The following LYST variants were observed in gnomAD, a reference collection of about 807,000 sequenced individuals.
The protein encoded by LYST is lysosomal-trafficking regulator.
In LYST, 192 loss-of-function variants were observed where a neutral mutation model predicts 413.6. The observed-to-expected ratio is 0.46, with a 90% CI of 0.41 to 0.52. LYST has a LOEUF of 0.52. LYST is among the 20% of genes least tolerant of loss of function. The pLI is 0.00. For missense variants in LYST, 3,815 were observed against 4,499.9 expected, an observed-to-expected ratio of 0.85 and a Z score of 4.35; for synonymous variants, 1,525 against 1,567.3, an observed-to-expected ratio of 0.97 and a Z score of 0.64.
At chr1:235,805,428 A>G (rs1166410717) in intron 6 of LYST, among the ~76,000 whole-genome samples, 1 of 152,070 alleles carries the variant, frequency 6.6e-6, no homozygotes, top group East Asian at 1.9e-4. Context: ...TGAATGGGTG[A>G]TCAGTTTGGT....
intron 1 of LYST, among the ~76,000 whole-genome samples, chr1:235,856,720 G>C (rs1051727481): frequency 6.6e-6 from 1 of 152,078 alleles, no homozygotes; most frequent in African/African-American, 2.4e-5. Context: ...TTTAAATAAG[G>C]CTAATAGAGA....
chr1:235,797,476 T>C (rs1671678007), intron 10 of LYST, among the ~76,000 whole-genome samples: 1 of 152,144 alleles, frequency 6.6e-6, no homozygotes, highest in Non-Finnish European at 1.5e-5. Context: ...ACCCCTAGCA[T>C]AATCATGACT....
At position 235,833,610 on chromosome 1, in the gene LYST, C is replaced by T. The variant is rs59970950; in HGVS notation, c.-40G>A. 1 of 940,470 alleles carries T rather than the reference C, an allele frequency of 1.1e-6. No individual in the cohort carries two copies. Among genetic ancestry groups the T allele is most frequent in the Non-Finnish European group, 1.3e-6 (1 of 788,988 alleles). The allele number at this position is 940,470 out of a possible 1,614,324, so 58.3% of individuals were successfully genotyped here. On this transcript the variant is annotated 5_prime_UTR_variant, in exon 2 of 53. It removes the in-frame stop codon of an upstream open reading frame in the 5' UTR. Coordinates refer to ENST00000389793, the MANE Select transcript of LYST (RefSeq NM_000081.4). ...TCACCACTGCTGTGACATTTACAGT[C>T]TATATCATTTGGACTCATAAACTAG... is the stretch of plus-strand genomic sequence containing the variant.
chr1:235,755,848 T>C (rs538848363), intron 24 of LYST, among the ~76,000 whole-genome samples: 1 of 152,278 alleles, frequency 6.6e-6, no homozygotes, highest in South Asian at 2.1e-4. Context: ...TGACTCCATC[T>C]TGGAGATCTT....
intron 23 of LYST, among the ~76,000 whole-genome samples, chr1:235,758,094 C>A (rs1316542258): frequency 6.6e-6 from 1 of 152,164 alleles, no homozygotes; most frequent in Non-Finnish European, 1.5e-5. Context: ...CCAGGTGAAA[C>A]TTCTGGAAGC....
chr1:235,786,755 C>T (rs1294852996), intron 14 of LYST, among the ~76,000 whole-genome samples: 6 of 151,804 alleles, frequency 4.0e-5, no homozygotes, highest in Non-Finnish European at 8.8e-5. Flanking sequence ...TGTACGGACA[C>T]GGATGAAGCT....
In LYST at chr1:235,720,902, G is replaced by A. The variant is rs773917897; in HGVS notation, c.9319C>T (p.Arg3107Cys). ...LLLAFDNTKV[R>C]DDVYHNILTN... ...AGTATATTGTGGTATACATCATCACGAACCTAAAAGGGAAGGAGAAGAAAA... is the reference window on the plus strand; with the variant it reads ...AGTATATTGTGGTATACATCATCACAAACCTAAAAGGGAAGGAGAAGAAAA... Residue 3107 changes from arginine (R) to cysteine (C), a missense_variant, in exon 40 of 53, where the codon CGT becomes TGT. This residue lies in a region of LYST where 866 missense variants were observed against 1,156.0 expected (regional missense o/e 0.75). Transcript: ENST00000389793. The A allele has an allele frequency of 4.3e-6, 7 of 1,613,188 alleles. No homozygotes were observed. Among genetic ancestry groups the A allele is most frequent in the South Asian group, 1.1e-5 (1 of 91,044 alleles).
chr1:235,767,431 G>A (rs896511925), intron 20 of LYST, among the ~76,000 whole-genome samples: 1 of 152,218 alleles, frequency 6.6e-6, no homozygotes, highest in East Asian at 1.9e-4. Context: ...AAGTGGCAAA[G>A]ACTAAGACAG....
intron 20 of LYST, among the ~76,000 whole-genome samples, chr1:235,768,979 G>T (rs1668400667): frequency 6.6e-6 from 1 of 151,998 alleles, no homozygotes; most frequent in Non-Finnish European, 1.5e-5. Context: ...TTTATCAGAT[G>T]CCCAGGTGTG....
intron 48 of LYST, among the ~76,000 whole-genome samples, chr1:235,685,718 C>A (rs564288205): frequency 6.6e-6 from 1 of 151,458 alleles, no homozygotes; most frequent in East Asian, 2.0e-4. Context: ...TGGTGGTGTG[C>A]GCCTGTAATC....
At position 235,812,958 on chromosome 1, in the gene LYST, G is replaced by A; in HGVS notation, c.283+13C>T. ...TGATAACACAAGTGATATGATAAAG[G>A]GAAAAAGCATACCTGTTGCCTTTTC... is the stretch of plus-strand genomic sequence containing the variant. On this transcript the variant is annotated intron_variant, in intron 4 of 52. Coordinates refer to ENST00000389793, the MANE Select transcript of LYST (RefSeq NM_000081.4). 6.4e-7 allele frequency: 1 copy of A among 1,554,988 alleles called. No individual in the cohort carries two copies. The highest frequency in any genetic ancestry group is 1.1e-5 in the South Asian group (1 of 89,748).
At chr1:235,789,771 T>G (rs987430669) in intron 12 of LYST, among the ~76,000 whole-genome samples, 1 of 152,190 alleles carries the variant, frequency 6.6e-6, no homozygotes, top group Non-Finnish European at 1.5e-5. Context: ...TACAGAGAAC[T>G]CACATCTGAT....
chr1:235,694,138 C>A (rs1230647380), intron 46 of LYST, among the ~76,000 whole-genome samples: 1 of 151,760 alleles, frequency 6.6e-6, no homozygotes, highest in Non-Finnish European at 1.5e-5. Context: ...GCCTCCCCAG[C>A]AGCTGGGACT....
At chr1:235,832,851 TA>T (rs1272893507) in intron 2 of LYST, among the ~76,000 whole-genome samples, 4 of 152,110 alleles carry the variant, frequency 2.6e-5, no homozygotes, top group African/African-American at 4.8e-5. Flanking sequence ...CAAGGCGCTT[TA>T]TATTTTTGCC....
Position 235,687,066 on chromosome 1 carries a change from CA to C in LYST, c.10702-20del. On this transcript the variant is annotated intron_variant, in intron 47 of 52. Coordinates refer to ENST00000389793, the MANE Select transcript of LYST (RefSeq NM_000081.4). ...TAGTCACCTTTGAAAAAGGACCAAT[CA>C]AAGATTATCATGTTTTAAAAGAATG... The C allele has an allele frequency of 6.8e-7, 1 of 1,468,406 alleles. No homozygotes were observed. Among genetic ancestry groups the C allele is most frequent in the Non-Finnish European group, 9.5e-7 (1 of 1,047,318 alleles). The allele number at this position is 1,468,406 out of a possible 1,614,324, so 91.0% of individuals were successfully genotyped here. A position where few individuals can be genotyped will look rare whatever the true frequency, so the allele number is the denominator to read the frequency against.
chr1:235,870,512 T>C (rs948902894), upstream of LYST, among the ~76,000 whole-genome samples: 1 of 152,224 alleles, frequency 6.6e-6, no homozygotes, highest in Non-Finnish European at 1.5e-5. Flanking sequence ...CTACCTTGGC[T>C]CAGAAGGCTG....
chr1:235,771,749 A>G (rs1668694779), intron 19 of LYST, among the ~76,000 whole-genome samples: 1 of 152,152 alleles, frequency 6.6e-6, no homozygotes, highest in South Asian at 2.1e-4. Flanking sequence ...ATGCCTTTCA[A>G]AATACTTTTC....
chr1:235,664,128 A>G lies in LYST; in HGVS notation c.11196-73T>C, dbSNP rs1658244849. The stretch of plus-strand genomic sequence containing the variant: ...CCTAAAAAGCCCTCTATATTTGTTT[A>G]TTTGTTAAAAATCATGTGGAAGGAA... On this transcript the variant is annotated intron_variant, in intron 51 of 52. Coordinates refer to ENST00000389793, the MANE Select transcript of LYST (RefSeq NM_000081.4). The surrounding 1 kb of genome is among the most constrained non-coding windows in gnomAD (Gnocchi z 4.5). The G allele has an allele frequency of 8.5e-7, 1 of 1,176,694 alleles. No homozygotes were observed. The highest frequency in any genetic ancestry group is 1.3e-6 in the Non-Finnish European group (1 of 784,328). 72.9% of individuals were successfully genotyped at this position (1,176,694 alleles called of 1,614,324 possible). A position where few individuals can be genotyped will look rare whatever the true frequency, so the allele number is the denominator to read the frequency against.
chr1:235,858,469 A>C (rs962748487), intron 1 of LYST, among the ~76,000 whole-genome samples: 3 of 152,190 alleles, frequency 2.0e-5, no homozygotes, highest in Admixed American at 6.5e-5. Flanking sequence ...CCTTATCATC[A>C]CCTGAAACTG....
Sources: gnomAD v4.1 joint callset for allele counts (sites outside exome capture counted in the v4.1 genomes callset) on GRCh38, gnomAD v4.1.1 for gene constraint, gnomAD v4.1.1 regional missense constraint, Gnocchi (gnomAD v3.1) non-coding constraint, MANE v1.5 for transcripts, NCBI Gene and HGNC (gene_info 2026-07-23, HGNC 2026-07-21) for gene names.